CSMD1: variants seen among roughly 807,000 people sequenced by gnomAD.
The protein encoded by CSMD1 is CUB and Sushi multiple domains 1.
A neutral mutation model predicts 417.5 loss-of-function variants in CSMD1; 213 were observed. That is an observed-to-expected ratio of 0.51 (90% CI 0.46 to 0.57). The LOEUF is 0.57. Ranked by LOEUF, CSMD1 falls within the 20% of genes least tolerant of loss-of-function variation. The probability of loss-of-function intolerance (pLI) is 0.00; values close to 1 mark genes in which losing one functional copy is unlikely to be tolerated. For synonymous variants in CSMD1, 2,862 were observed against 1,736.8 expected (o/e 1.65, Z -16.11); for missense variants, 6,923 against 4,529.7 (o/e 1.53, Z -15.17).
At chr8:3,927,432 C>T (rs890844136) in intron 5 of CSMD1, among the ~76,000 whole-genome samples, 3 of 151,884 alleles carry the variant, frequency 2.0e-5, no homozygotes, top group East Asian at 1.9e-4. Context: ...TTTGTGGTGC[C>T]GAGGCAGGTG....
Position 3,199,713 on chromosome 8 carries a change from C to A in CSMD1, c.5194+1G>T. ...GTGGAGACATGTGGAGTGACGCTTA[C>A]CTTGATACACGAAGTGGAAGCCGCG... On this transcript the variant is annotated splice_donor_variant, in intron 33 of 69. Transcript: ENST00000635120. LOFTEE classifies it high-confidence loss of function. The A allele has an allele frequency of 6.3e-7, 1 of 1,578,506 alleles. No individual in the cohort carries two copies. Among genetic ancestry groups the A allele is most frequent in the Non-Finnish European group, 8.6e-7 (1 of 1,160,798 alleles).
intron 1 of CSMD1, among the ~76,000 whole-genome samples, chr8:4,945,677 A>G (rs1262190873): frequency 6.6e-6 from 1 of 152,154 alleles, no homozygotes; most frequent in Non-Finnish European, 1.5e-5. Flanking sequence ...ACTTTTTTCA[A>G]GAGAACTTGG....
chr8:4,425,911 T>A (rs575491176), intron 2 of CSMD1, among the ~76,000 whole-genome samples: 2 of 152,132 alleles, frequency 1.3e-5, no homozygotes, highest in Non-Finnish European at 2.9e-5. Flanking sequence ...CCTATCGTAA[T>A]TTTTTAGTGT....
Position 4,462,664 on chromosome 8 carries a change from G to C in CSMD1, c.303-42599C>G, listed in dbSNP as rs546104116. Among the ~76,000 whole-genome samples, 11 of 152,220 alleles carry C rather than the reference G, an allele frequency of 7.2e-5. No homozygotes were observed. In the South Asian group the frequency reaches 2.3e-3, roughly 32 times the overall value. ...CATGGATTAATGAAATAAAATTCAC[G>C]TTCCAGAGATAAAAACCACTGACAT... On this transcript the variant is annotated intron_variant, in intron 2 of 69. Coordinates refer to ENST00000635120, the MANE Select transcript of CSMD1 (RefSeq NM_033225.6).
chr8:3,551,417 C>G (rs1365353102), intron 10 of CSMD1, among the ~76,000 whole-genome samples: 1 of 151,942 alleles, frequency 6.6e-6, no homozygotes, highest in African/African-American at 2.4e-5. Flanking sequence ...TTGCAGTAAA[C>G]TGGAATTAAC....
intron 46 of CSMD1, among the ~76,000 whole-genome samples, chr8:3,103,681 T>G (rs1392003790): frequency 6.6e-6 from 1 of 152,078 alleles, no homozygotes; most frequent in East Asian, 1.9e-4. Flanking sequence ...TTGTCATGAA[T>G]TAAACGTCAT....
intron 5 of CSMD1, among the ~76,000 whole-genome samples, chr8:3,830,024 C>T (rs1424108387): frequency 6.6e-6 from 1 of 152,092 alleles, no homozygotes; most frequent in Non-Finnish European, 1.5e-5. Flanking sequence ...AAGTGGATTT[C>T]AGGTCTAACT....
At position 3,635,190 on chromosome 8, in the gene CSMD1, C is replaced by A. The variant is rs549509245; in HGVS notation, c.1010-18393G>T. Among the ~76,000 whole-genome samples, 12 of 152,190 alleles carry A rather than the reference C, an allele frequency of 7.9e-5. No individual in the cohort carries two copies. In the East Asian group the frequency reaches 2.3e-3, roughly 30 times the overall value. ...ATGGCTGTGCACTGCTGTAGAAACA[C>A]TGTAGCCAGGTGCAGTGGCTCACGC... On this transcript the variant is annotated intron_variant, in intron 7 of 69. Coordinates refer to ENST00000635120, the MANE Select transcript of CSMD1 (RefSeq NM_033225.6).
intron 2 of CSMD1, among the ~76,000 whole-genome samples, chr8:4,476,598 G>C (rs1422313749): frequency 1.3e-5 from 2 of 152,176 alleles, no homozygotes; most frequent in South Asian, 2.1e-4. Flanking sequence ...AACACTTTTA[G>C]TAAAACACTG....
intron 10 of CSMD1, among the ~76,000 whole-genome samples, chr8:3,550,397 C>G (rs1355944105): frequency 9.9e-5 from 15 of 152,226 alleles, no homozygotes. Flanking sequence ...CCCATCTTCA[C>G]AACCTCCAAG....
intron 50 of CSMD1, among the ~76,000 whole-genome samples, chr8:3,036,102 G>A (rs1427800603): frequency 6.6e-6 from 1 of 152,132 alleles, no homozygotes; most frequent in Non-Finnish European, 1.5e-5. Context: ...ACATTGCCCT[G>A]ACTTGTGAGT....
rs1447377970 is a variant in CSMD1, at chr8:4,825,321, C to T, written c.85+169011G>A. On this transcript the variant is annotated intron_variant, in intron 1 of 69. Transcript: ENST00000635120. ...AACTATTAGCTGTCAGTGTTTTATC[C>T]TGCACAGATATTTTCTTGTGTGCGG... Among the ~76,000 whole-genome samples, 3 of 152,184 alleles carry T rather than the reference C, an allele frequency of 2.0e-5. No individual in the cohort carries two copies. In the East Asian group the frequency reaches 5.8e-4, roughly 29 times the overall value.
chr8:3,480,311 C>G (rs1823195), intron 11 of CSMD1, among the ~76,000 whole-genome samples: 104,043 of 151,590 alleles, frequency 0.69, 36,347 homozygotes, highest in Middle Eastern at 0.8. Flanking sequence ...GCATTGAGCA[C>G]AGATCGTGCC....
chr8:4,117,380 C>G (rs541747867), intron 3 of CSMD1, among the ~76,000 whole-genome samples: 25 of 151,206 alleles, frequency 1.7e-4, no homozygotes, highest in Non-Finnish European at 3.4e-4. Flanking sequence ...GGACACCAGG[C>G]AAAGGAGCTC....
intron 3 of CSMD1, among the ~76,000 whole-genome samples, chr8:4,206,385 C>T (rs1799981622): frequency 6.6e-6 from 1 of 152,078 alleles, no homozygotes; most frequent in Non-Finnish European, 1.5e-5. Flanking sequence ...TCATATTCCC[C>T]ACCCTGTCTC....
Position 3,022,859 on chromosome 8 carries a change from T to C in CSMD1, c.7856-4209A>G, listed in dbSNP as rs146964971. Among the ~76,000 whole-genome samples the C allele has an allele frequency of 1.1e-4, 16 of 152,266 alleles. No individual in the cohort carries two copies. The East Asian group carries it at 3.1e-3, about 29-fold the overall frequency. On this transcript the variant is annotated intron_variant, in intron 51 of 69. Coordinates refer to ENST00000635120, the MANE Select transcript of CSMD1 (RefSeq NM_033225.6). ...TAGATCAGAGTCAGGAATTGTTTTA[T>C]TAGGCCTAGAGAGATAGAGCTACCA...
At chr8:4,488,963 G>C (rs905384390) in intron 2 of CSMD1, among the ~76,000 whole-genome samples, 29 of 152,260 alleles carry the variant, frequency 1.9e-4, no homozygotes, top group African/African-American at 5.8e-4. Flanking sequence ...CCAGGCTGAA[G>C]TGCAGTGGCG....
rs192558897 is a variant in CSMD1, at chr8:3,258,038, G to C, written c.4153+26106C>G. Among the ~76,000 whole-genome samples the C allele has an allele frequency of 1.7e-4, 26 of 152,280 alleles. No homozygotes were observed. The East Asian group carries it at 4.8e-3, about 28-fold the overall frequency. ...GGAGGAGACTCAGCCATGGGAGATG[G>C]TGTCGAGTAGACAGACAGGGCCCCA... On this transcript the variant is annotated intron_variant, in intron 26 of 69. Coordinates refer to ENST00000635120, the MANE Select transcript of CSMD1 (RefSeq NM_033225.6).
At chr8:4,520,613 G>C (rs565438685) in intron 2 of CSMD1, among the ~76,000 whole-genome samples, 100 of 152,234 alleles carry the variant, frequency 6.6e-4, no homozygotes, top group African/African-American at 2.1e-3. Context: ...CCAAACTCAG[G>C]AGTTCTTGGT....
Sources: allele counts gnomAD v4.1 joint callset (sites outside exome capture counted in the v4.1 genomes callset), GRCh38; gene constraint gnomAD v4.1.1; transcripts MANE v1.5; gene names NCBI Gene and HGNC (gene_info 2026-07-23, HGNC 2026-07-21).